Variants in SENP7 observed in about 807,000 individuals in gnomAD.
SENP7 encodes sentrin-specific protease 7.
In SENP7, 64 loss-of-function variants were observed where a neutral mutation model predicts 141.2. The ratio of observed to expected loss-of-function variants is 0.45; its 90% CI spans 0.37 to 0.56. The LOEUF (loss-of-function observed/expected upper bound fraction) is 0.56, where lower values mean the gene tolerates loss of function less well. SENP7 is among the 20% of genes least tolerant of loss of function. The pLI, the probability that SENP7 is intolerant of heterozygous loss-of-function variation, is 0.00. For synonymous variants in SENP7, 382 were observed against 426.4 expected, an observed-to-expected ratio of 0.90 and a Z score of 1.28; for missense variants, 1,025 against 1,212.2, an observed-to-expected ratio of 0.85 and a Z score of 2.29.
Position 101,324,286 on chromosome 3 carries a change from AAAT to A in SENP7, c.*1654_*1656del, listed in dbSNP as rs2058849551. 1 of 152,142 alleles carries A rather than the reference AAAT, an allele frequency of 6.6e-6. No homozygotes were observed. Among genetic ancestry groups the A allele is most frequent in the African/African-American group, 2.4e-5 (1 of 41,454 alleles). 9.4% of individuals were successfully genotyped at this position (152,142 alleles called of 1,614,324 possible). ...ATTACACCTCAATTTAATGAATTGG[AAAT>A]ATGTTTAATATAAAACACTGATATC... On this transcript the variant is annotated 3_prime_UTR_variant, in exon 24 of 24. Transcript: ENST00000394095.
At chr3:101,445,390 T>G (rs559279103) in intron 4 of SENP7, among the ~76,000 whole-genome samples, 7 of 151,142 alleles carry the variant, frequency 4.6e-5, no homozygotes, top group Admixed American at 1.3e-4. Flanking sequence ...CACAAAAGTA[T>G]AAAACTAACT....
In SENP7 at chr3:101,408,304, C is replaced by CA. The variant is rs570708184; in HGVS notation, c.483-9250dup. ...ATGGTAATTTAAACATTACCAACAA[C>CA]AAAAAAAAGCCCAGGACCAGACGGA... On this transcript the variant is annotated intron_variant, in intron 5 of 23. Transcript: ENST00000394095. Among the ~76,000 whole-genome samples the CA allele has an allele frequency of 1.8e-4, 27 of 151,534 alleles. No individual in the cohort carries two copies. The East Asian group carries it at 3.1e-3, about 17-fold the overall frequency.
intron 3 of SENP7, among the ~76,000 whole-genome samples, chr3:101,467,294 T>G (rs2063794451): frequency 6.6e-6 from 1 of 152,232 alleles, no homozygotes; most frequent in Non-Finnish European, 1.5e-5. Context: ...TCTGCAGATG[T>G]AAACGTCCCT....
At chr3:101,407,855 A>G (rs546296667) in intron 5 of SENP7, among the ~76,000 whole-genome samples, 1 of 152,326 alleles carries the variant, frequency 6.6e-6, no homozygotes, top group East Asian at 1.9e-4. Flanking sequence ...CAGACAATCT[A>G]AGGTCACACC....
At chr3:101,358,473 T>C (rs1490613911) in intron 11 of SENP7, 2 of 343,454 alleles carry the variant, frequency 5.8e-6, no homozygotes, top group Non-Finnish European at 1.2e-5. Flanking sequence ...CAACTCTTAG[T>C]AAATATGAGA....
intron 6 of SENP7, among the ~76,000 whole-genome samples, chr3:101,376,690 C>T (rs1371806101): frequency 4.6e-5 from 7 of 151,880 alleles, no homozygotes; most frequent in African/African-American, 1.4e-4. Context: ...TGTTAAATGA[C>T]GAGTTAATGG....
intron 3 of SENP7, among the ~76,000 whole-genome samples, chr3:101,470,652 G>GC (rs1320011642): frequency 6.6e-6 from 1 of 152,114 alleles, no homozygotes; most frequent in African/African-American, 2.4e-5. Context: ...TCTGGCCAGG[G>GC]CAATCGGGCA....
chr3:101,510,016 A>C (rs1484109831), intron 1 of SENP7, among the ~76,000 whole-genome samples: 1 of 152,242 alleles, frequency 6.6e-6, no homozygotes, highest in Non-Finnish European at 1.5e-5. Flanking sequence ...ACAGGCCTCC[A>C]AGAATGTTGC....
intron 3 of SENP7, among the ~76,000 whole-genome samples, chr3:101,464,313 C>A (rs145380893): frequency 3.6e-4 from 55 of 152,168 alleles, no homozygotes; most frequent in African/African-American, 1.2e-3. Context: ...AGTCCCTAAC[C>A]CCAGGCCATG....
chr3:101,383,799 G>A (rs534794108), intron 6 of SENP7, among the ~76,000 whole-genome samples: 108 of 152,334 alleles, frequency 7.1e-4, no homozygotes, highest in African/African-American at 2.3e-3. Context: ...GGGCACTGGG[G>A]ATAGGAGGTT....
rs566240087 is a variant in SENP7 at position 101,368,376 on chromosome 3, C to A, written c.797-365G>T. Among the ~76,000 whole-genome samples the A allele has an allele frequency of 7.9e-5, 12 of 151,408 alleles. 1 individual carries two copies. In the South Asian group the frequency reaches 2.3e-3, roughly 29 times the overall value. On this transcript the variant is annotated intron_variant, in intron 7 of 23. Transcript: ENST00000394095. ...ATTAAGAAAATGTGGCCCATATACA[C>A]CATGGAATACTATACAGCCATAAAA...
At chr3:101,398,214 C>T (rs2061026194) in intron 6 of SENP7, among the ~76,000 whole-genome samples, 1 of 152,220 alleles carries the variant, frequency 6.6e-6, no homozygotes, top group African/African-American at 2.4e-5. Flanking sequence ...AATGCCAGCC[C>T]TTTGGGAGGC....
Position 101,330,367 on chromosome 3 carries a change from A to G in SENP7, c.2718T>C (p.Thr906=), listed in dbSNP as rs764933731. The G allele has an allele frequency of 1.2e-6, 2 of 1,607,602 alleles. No individual in the cohort carries two copies. Among genetic ancestry groups the G allele is most frequent in the East Asian group, 4.5e-5 (2 of 44,760 alleles). The change falls in exon 20 of 24, where the codon ACT becomes ACC. Residue 906 remains threonine, a synonymous_variant. Transcript: ENST00000394095. ...CCTCTGCACTCAAAGACAGTGTCGA[A>G]GTAGTACGTAGATCATTATCTAGTT... ...NKTIDNDLRT[T]STLSLSAEDS...
chr3:101,356,919 T>C (rs1042547980), intron 11 of SENP7, among the ~76,000 whole-genome samples: 3 of 152,316 alleles, frequency 2.0e-5, no homozygotes, highest in East Asian at 3.9e-4. Context: ...TCAGAATAAA[T>C]ACTCTTCTTC....
chr3:101,376,691 G>A (rs902189117), intron 6 of SENP7, among the ~76,000 whole-genome samples: 4 of 151,966 alleles, frequency 2.6e-5, no homozygotes, highest in East Asian at 1.9e-4. Flanking sequence ...GTTAAATGAC[G>A]AGTTAATGGG....
Position 101,372,074 on chromosome 3 carries a change from G to T in SENP7, c.730C>A (p.His244Asn). 6.4e-7 allele frequency: 1 copy of T among 1,569,514 alleles called. No homozygotes were observed. Among genetic ancestry groups the T allele is most frequent in the Non-Finnish European group, 8.7e-7 (1 of 1,150,998 alleles). The change falls in exon 7 of 24, where the codon CAC becomes AAC. Residue 244 changes from histidine to asparagine, a missense_variant. Physicochemically the swap from His to Asn is moderately conservative, Grantham distance 68. Coordinates refer to ENST00000394095, the MANE Select transcript of SENP7 (RefSeq NM_020654.5). The part of the protein sequence containing the change: ...VDDNSAKQTA[H>N]NKEKRRKDDG... ...TCCTTTCTTCGTTTTTCTTTATTGTGCGCAGTCTGCTTTGCAGAATTGTCA... is the reference window on the plus strand; with the variant it reads ...TCCTTTCTTCGTTTTTCTTTATTGTTCGCAGTCTGCTTTGCAGAATTGTCA...
intron 5 of SENP7, among the ~76,000 whole-genome samples, chr3:101,406,762 A>T (rs1389240470): frequency 6.6e-6 from 1 of 152,162 alleles, no homozygotes; most frequent in Non-Finnish European, 1.5e-5. Flanking sequence ...ACCTAGTCAC[A>T]TTGTCATCAG....
rs955380521 is a variant in SENP7 at position 101,407,657 on chromosome 3, T to C, written c.483-8602A>G. Among the ~76,000 whole-genome samples, 5 of 152,158 alleles carry C rather than the reference T, an allele frequency of 3.3e-5. No individual in the cohort carries two copies. In the East Asian group the frequency reaches 9.7e-4, roughly 29 times the overall value. ...GAACCTTCAAAACCATGCAAACACA[T>C]GGAAATTAAATAACCTGCTCCTGGT... On this transcript the variant is annotated intron_variant, in intron 5 of 23. Transcript: ENST00000394095.
intron 2 of SENP7, among the ~76,000 whole-genome samples, chr3:101,499,567 G>A (rs1466984167): frequency 7.7e-5 from 10 of 129,138 alleles, no homozygotes; most frequent in Non-Finnish European, 6.8e-5. Context: ...ACAGAGTCTC[G>A]CTCTGTCGCC....
Sources: allele counts gnomAD v4.1 joint callset (sites outside exome capture counted in the v4.1 genomes callset), GRCh38; gene constraint gnomAD v4.1.1; transcripts MANE v1.5; gene names NCBI Gene and HGNC (gene_info 2026-07-23, HGNC 2026-07-21).